MAGI2: variants seen among roughly 807,000 people sequenced by gnomAD.
MAGI2 encodes the protein membrane-associated guanylate kinase, WW and PDZ domain-containing protein 2.
MAGI2 carries 35 observed loss-of-function variants against 133.3 expected under a neutral mutation model. The ratio of observed to expected loss-of-function variants is 0.26; its 90% CI spans 0.20 to 0.35. The LOEUF is 0.35. Among genes scored for constraint, MAGI2 ranks in the 10% least tolerant of loss-of-function variants. The pLI is 1.00. For synonymous variants in MAGI2, 729 were observed against 710.6 expected, an observed-to-expected ratio of 1.03 and a Z score of -0.41; for missense variants, 1,636 against 1,863.4, an observed-to-expected ratio of 0.88 and a Z score of 2.25.
intron 1 of MAGI2, among the ~76,000 whole-genome samples, chr7:79,178,891 C>G (rs1288038090): frequency 6.6e-6 from 1 of 151,890 alleles, no homozygotes; most frequent in African/African-American, 2.4e-5. Flanking sequence ...CAAGATAAAT[C>G]ATTGTCTTTT....
intron 2 of MAGI2, among the ~76,000 whole-genome samples, chr7:78,715,524 C>T (rs1174910144): frequency 1.3e-5 from 2 of 152,122 alleles, no homozygotes; most frequent in African/African-American, 4.8e-5. Context: ...TAAGTAATAA[C>T]TCAATGAAAG....
chr7:78,098,371 GT>G (rs1817903764), intron 20 of MAGI2, among the ~76,000 whole-genome samples: 1 of 152,076 alleles, frequency 6.6e-6, no homozygotes, highest in African/African-American at 2.4e-5. Flanking sequence ...TCTGCAACTT[GT>G]TTTTTGACTC....
intron 1 of MAGI2, among the ~76,000 whole-genome samples, chr7:79,152,107 T>C (rs1411851456): frequency 1.3e-5 from 2 of 152,240 alleles, no homozygotes; most frequent in East Asian, 3.9e-4. Context: ...CATTCAGCAG[T>C]AAAGAGAAAA....
At chr7:78,083,317 G>A (rs954432572) in intron 20 of MAGI2, among the ~76,000 whole-genome samples, 6 of 134,424 alleles carry the variant, frequency 4.5e-5, no homozygotes, top group South Asian at 5.3e-4. Context: ...TTAAAATATC[G>A]AGTTCCAGTT....
chr7:78,196,110 A>G (rs1828708400), intron 11 of MAGI2, among the ~76,000 whole-genome samples: 1 of 152,038 alleles, frequency 6.6e-6, no homozygotes, highest in Non-Finnish European at 1.5e-5. Flanking sequence ...GGACCCACCC[A>G]GTTCTCTTCT....
At chr7:78,177,202 C>T (rs1014928131) in intron 14 of MAGI2, among the ~76,000 whole-genome samples, 1 of 151,904 alleles carries the variant, frequency 6.6e-6, no homozygotes, top group East Asian at 1.9e-4. Context: ...GTGCCAGAGC[C>T]GGATGGGATG....
At chr7:79,148,878 T>C (rs1177571529) in intron 1 of MAGI2, among the ~76,000 whole-genome samples, 3 of 147,392 alleles carry the variant, frequency 2.0e-5, no homozygotes, top group African/African-American at 7.4e-5. Flanking sequence ...TTTATATACA[T>C]ATATATGTTT....
At chr7:79,378,340 C>T (rs1423398392) in intron 1 of MAGI2, among the ~76,000 whole-genome samples, 1 of 151,758 alleles carries the variant, frequency 6.6e-6, no homozygotes, top group East Asian at 1.9e-4. Context: ...CTCATTTAAT[C>T]CTTGTAAAAC....
At chr7:78,048,565 C>G (rs1302150220) in intron 21 of MAGI2, among the ~76,000 whole-genome samples, 1 of 152,002 alleles carries the variant, frequency 6.6e-6, no homozygotes, top group East Asian at 1.9e-4. Flanking sequence ...CTCACTACCC[C>G]CCTAAAAAGA....
intron 9 of MAGI2, among the ~76,000 whole-genome samples, chr7:78,337,332 C>T (rs77361482): frequency 0.055 from 8,295 of 152,190 alleles, 268 homozygotes; most frequent in South Asian, 0.13. Flanking sequence ...CAATAAGCAG[C>T]TGTTGTCAAA....
chr7:78,835,952 T>C (rs1465648033), intron 2 of MAGI2, among the ~76,000 whole-genome samples: 7 of 152,208 alleles, frequency 4.6e-5, no homozygotes, highest in African/African-American at 1.7e-4. Flanking sequence ...CCTTCTGCAA[T>C]CCGACAGCAC....
rs192447119 is a variant in MAGI2, at chr7:78,128,268, A to G, written c.3204-852T>C. Among the ~76,000 whole-genome samples, 5 of 152,306 alleles carry G rather than the reference A, an allele frequency of 3.3e-5. No individual in the cohort carries two copies. In the East Asian group the frequency reaches 9.6e-4, roughly 29 times the overall value. On this transcript the variant is annotated intron_variant, in intron 18 of 21. Coordinates refer to ENST00000354212, the MANE Select transcript of MAGI2 (RefSeq NM_012301.4). Reference sequence around the variant, plus strand: ...TAAGCTGAGGGGGTTACTAGTTTCAAAAGAAATAGCCAATCCCTACCATTA... The same window carrying G: ...TAAGCTGAGGGGGTTACTAGTTTCAGAAGAAATAGCCAATCCCTACCATTA...
chr7:79,214,333 C>T (rs1829769118), intron 1 of MAGI2, among the ~76,000 whole-genome samples: 1 of 134,214 alleles, frequency 7.5e-6, no homozygotes, highest in South Asian at 2.4e-4. Context: ...CATCTATGCC[C>T]AGGACATGTC....
intron 1 of MAGI2, among the ~76,000 whole-genome samples, chr7:79,088,281 T>C (rs956603374): frequency 1.3e-5 from 2 of 152,140 alleles, no homozygotes; most frequent in Non-Finnish European, 2.9e-5. Flanking sequence ...TAATTGTGAA[T>C]GGGAATTCAC....
rs1039068852 is a variant in MAGI2, at chr7:78,018,598, T to C, written c.*717A>G. On this transcript the variant is annotated 3_prime_UTR_variant, in exon 22 of 22. Coordinates refer to ENST00000354212, the MANE Select transcript of MAGI2 (RefSeq NM_012301.4). The stretch of plus-strand genomic sequence containing the variant: ...AGGATACAATTTTTAAAACCTTTTT[T>C]TTCTACCACTGAAAATGTACAGAAA... The C allele has an allele frequency of 1.3e-5, 2 of 152,276 alleles. No homozygotes were observed. The highest frequency in any genetic ancestry group is 4.8e-5 in the African/African-American group (2 of 41,432). 9.4% of individuals were successfully genotyped at this position (152,276 alleles called of 1,614,324 possible). A position where few individuals can be genotyped will look rare whatever the true frequency, so the allele number is the denominator to read the frequency against.
chr7:79,117,835 G>A (rs1292802396), intron 1 of MAGI2, among the ~76,000 whole-genome samples: 1 of 152,028 alleles, frequency 6.6e-6, no homozygotes, highest in Non-Finnish European at 1.5e-5. Context: ...TAGTTAGCGG[G>A]GTGTACACAC....
intron 2 of MAGI2, among the ~76,000 whole-genome samples, chr7:78,786,285 C>A (rs991802379): frequency 6.6e-6 from 1 of 152,174 alleles, no homozygotes; most frequent in African/African-American, 2.4e-5. Context: ...CGGGTCCAAG[C>A]TACTCTCATG....
intron 1 of MAGI2, among the ~76,000 whole-genome samples, chr7:79,283,856 A>C (rs371316797): frequency 1.3e-5 from 2 of 152,112 alleles, no homozygotes; most frequent in African/African-American, 4.8e-5. Context: ...TTCAGTCAAC[A>C]ATGGATCACA....
intron 1 of MAGI2, among the ~76,000 whole-genome samples, chr7:79,047,895 C>T (rs912413664): frequency 6.6e-6 from 1 of 152,072 alleles, no homozygotes; most frequent in Non-Finnish European, 1.5e-5. Flanking sequence ...ATTGTATGTG[C>T]TGTAGACCAT....
Sources: gnomAD v4.1 joint callset for allele counts (sites outside exome capture counted in the v4.1 genomes callset) on GRCh38, gnomAD v4.1.1 for gene constraint, MANE v1.5 for transcripts, NCBI Gene and HGNC (gene_info 2026-07-23, HGNC 2026-07-21) for gene names.